PPP1R21: variants seen among roughly 807,000 people sequenced by gnomAD.
PPP1R21 encodes protein phosphatase 1 regulatory subunit 21.
In PPP1R21, 85 loss-of-function variants were observed where a neutral mutation model predicts 112.8. The observed-to-expected ratio is 0.75, with a 90% CI of 0.63 to 0.90. The LOEUF is 0.90. Among genes scored for constraint, PPP1R21 ranks in the 40% least tolerant of loss-of-function variants. The pLI is 0.00. For missense variants in PPP1R21, 1,199 were observed against 901.5 expected, an observed-to-expected ratio of 1.33 and a Z score of -4.23; for synonymous variants, 381 against 322.3, an observed-to-expected ratio of 1.18 and a Z score of -1.95.
In PPP1R21 at chr2:48,454,729, C is replaced by G. The variant is rs76587580; in HGVS notation, c.261C>G (p.Gly87=). 0.099 allele frequency: 160,032 copies of G among 1,612,774 alleles called. 9,434 individuals carry two copies. Among genetic ancestry groups the G allele is most frequent in the Non-Finnish European group, 0.12 (139,205 of 1,178,886 alleles). Residue 87 remains glycine, a synonymous_variant, in exon 3 of 22, where the codon GGC becomes GGG. Coordinates refer to ENST00000294952, the MANE Select transcript of PPP1R21 (RefSeq NM_001135629.3). ...AACTAGCTCTAAGTGAACCACGAGG[C>G]AAGAAAAACAAGGTAGGTTCAAATA... ...QDELALSEPR[G]KKNKKSGESS... is the part of the protein sequence containing the mutation.
chr2:48,471,388 G>C (rs1668489743), intron 11 of PPP1R21, 21 bp downstream of exon 11: 1 of 1,583,540 alleles, frequency 6.3e-7, no homozygotes, highest in Non-Finnish European at 8.6e-7. Flanking sequence ...CCGGAGGCCA[G>C]GGAACTTGGG....
intron 1 of PPP1R21, among the ~76,000 whole-genome samples, chr2:48,447,576 T>A (rs111706053): frequency 6.6e-6 from 1 of 152,328 alleles, no homozygotes; most frequent in African/African-American, 2.4e-5. Flanking sequence ...GGTAATCTTA[T>A]ACCTACATCT....
chr2:48,460,836 G>T (rs1004788469), intron 6 of PPP1R21, among the ~76,000 whole-genome samples: 2 of 152,134 alleles, frequency 1.3e-5, no homozygotes, highest in Non-Finnish European at 2.9e-5. Flanking sequence ...CTTTGAGCTT[G>T]GGGAAATATT....
intron 16 of PPP1R21, among the ~76,000 whole-genome samples, chr2:48,496,905 T>C (rs1275561375): frequency 6.6e-6 from 1 of 152,180 alleles, no homozygotes; most frequent in African/African-American, 2.4e-5. Flanking sequence ...TCTTGGAGGG[T>C]GGCATGCCCA....
chr2:48,497,869 T>A (rs1669919866), intron 16 of PPP1R21, among the ~76,000 whole-genome samples: 1 of 152,118 alleles, frequency 6.6e-6, no homozygotes, highest in Non-Finnish European at 1.5e-5. Flanking sequence ...GCCAGGATGG[T>A]CTCGATCTCC....
At position 48,458,206 on chromosome 2, in the gene PPP1R21, G is replaced by A. The variant is rs747851141; in HGVS notation, c.354G>A (p.Glu118=). 3.2e-5 allele frequency: 51 copies of A among 1,610,744 alleles called. No homozygotes were observed. Among genetic ancestry groups the A allele is most frequent in the Non-Finnish European group, 4.2e-5 (50 of 1,177,628 alleles). ...FDEDLQKKIE[E]NERLHIQFFE... is the part of the protein sequence containing the mutation. ...AAGATCTGCAAAAGAAGATAGAAGA[G>A]AATGAACGGTTGCATATACAAGTGA... Residue 118 remains glutamate (E), a synonymous_variant, in exon 4 of 22, where the codon GAG becomes GAA. Transcript: ENST00000294952.
intron 6 of PPP1R21, among the ~76,000 whole-genome samples, chr2:48,460,530 G>A (rs776647775): frequency 1.3e-5 from 2 of 152,260 alleles, no homozygotes; most frequent in South Asian, 2.1e-4. Context: ...GAGGTTATGC[G>A]ATCTAATTTG....
At chr2:48,464,476 G>A (rs1039932829) in intron 7 of PPP1R21, among the ~76,000 whole-genome samples, 1 of 152,160 alleles carries the variant, frequency 6.6e-6, no homozygotes, top group Non-Finnish European at 1.5e-5. Flanking sequence ...ATACCATCCA[G>A]GAAAGTTAGG....
intron 11 of PPP1R21, among the ~76,000 whole-genome samples, chr2:48,474,482 G>A (rs554882443): frequency 1.6e-4 from 24 of 152,270 alleles, no homozygotes; most frequent in African/African-American, 5.8e-4. Flanking sequence ...ATTCCATTTA[G>A]TCATCTTATA....
chr2:48,472,742 A>C (rs1668577172), intron 11 of PPP1R21, among the ~76,000 whole-genome samples: 1 of 152,082 alleles, frequency 6.6e-6, no homozygotes, highest in African/African-American at 2.4e-5. Flanking sequence ...TGAGGCCAGG[A>C]ATTCGAGAAC....
At chr2:48,465,038 C>A in intron 8 of PPP1R21, 49 bp downstream of exon 8, 1 of 1,427,452 alleles carries the variant, frequency 7.0e-7, no homozygotes, top group Non-Finnish European at 9.5e-7. Context: ...ATACATCAGA[C>A]TTTCCAGAAA....
chr2:48,479,169 A>G (rs1005280683), intron 12 of PPP1R21, among the ~76,000 whole-genome samples: 5 of 152,260 alleles, frequency 3.3e-5, no homozygotes, highest in Non-Finnish European at 5.9e-5. Context: ...AAGAAGGGGA[A>G]CGTTCCCCGC....
At chr2:48,465,211 C>T (rs550487622) in intron 8 of PPP1R21, among the ~76,000 whole-genome samples, 178 of 152,270 alleles carry the variant, frequency 1.2e-3, no homozygotes, top group African/African-American at 4.1e-3. Context: ...AACATTAGAA[C>T]TAAATTATGA....
At chr2:48,460,046 A>C (rs1667908515) in intron 5 of PPP1R21, 49 bp from the exon 6 acceptor site, 1 of 1,609,196 alleles carries the variant, frequency 6.2e-7, no homozygotes, top group Admixed American at 1.7e-5. Context: ...GTGTGCTCCT[A>C]TCTGTCGTAG....
chr2:48,514,945 C>T lies in PPP1R21; in HGVS notation c.*201C>T, dbSNP rs1430065647. 17 of 546,658 alleles carry T rather than the reference C, an allele frequency of 3.1e-5. No individual in the cohort carries two copies. The highest frequency in any genetic ancestry group is 4.5e-5 in the Non-Finnish European group (14 of 311,164). 33.9% of individuals were successfully genotyped at this position (546,658 alleles called of 1,614,324 possible). A position where few individuals can be genotyped will look rare whatever the true frequency, so the allele number is the denominator to read the frequency against. On this transcript the variant is annotated 3_prime_UTR_variant, in exon 22 of 22. Transcript: ENST00000294952. ...GTGAGGCAAATACAGAAGTTGATGT[C>T]GGCAGTAAATGGAAAACAATACGTA...
chr2:48,505,621 G>T, intron 18 of PPP1R21, 25 bp downstream of exon 18: 4 of 1,532,588 alleles, frequency 2.6e-6, no homozygotes, highest in Non-Finnish European at 3.5e-6. Context: ...TCATCATGTT[G>T]TTTGTTAGTA....
intron 17 of PPP1R21, among the ~76,000 whole-genome samples, chr2:48,499,076 C>T (rs1043490756): frequency 6.6e-6 from 1 of 150,484 alleles, no homozygotes; most frequent in South Asian, 2.1e-4. Context: ...CCCAAAAGCC[C>T]TACCTCCTAA....
chr2:48,492,146 C>G (rs1355668551), intron 15 of PPP1R21, among the ~76,000 whole-genome samples: 2 of 152,192 alleles, frequency 1.3e-5, no homozygotes, highest in East Asian at 3.8e-4. Flanking sequence ...AGTGCATAAA[C>G]ACATTCTTAT....
intron 2 of PPP1R21, among the ~76,000 whole-genome samples, chr2:48,453,915 C>T (rs1057508914): frequency 1.3e-5 from 2 of 152,126 alleles, no homozygotes; most frequent in African/African-American, 4.8e-5. Flanking sequence ...TATTTCTTCC[C>T]ATTCTTTTTC....
Sources: gnomAD v4.1 joint callset for allele counts (sites outside exome capture counted in the v4.1 genomes callset) on GRCh38, gnomAD v4.1.1 for gene constraint, MANE v1.5 for transcripts, NCBI Gene and HGNC (gene_info 2026-07-23, HGNC 2026-07-21) for gene names.